Variants in ADA2 observed in about 807,000 individuals in gnomAD.
The protein encoded by ADA2 is adenosine deaminase 2.
ADA2 carries 29 observed loss-of-function variants against 44.2 expected under a neutral mutation model. The observed-to-expected ratio is 0.66, with a 90% CI of 0.49 to 0.89. The LOEUF (loss-of-function observed/expected upper bound fraction) is 0.89. Among genes scored for constraint, ADA2 ranks in the 40% least tolerant of loss-of-function variants. The pLI is 0.00. For missense variants in ADA2, 637 were observed against 644.8 expected, an observed-to-expected ratio of 0.99 and a Z score of 0.13; for synonymous variants, 215 against 234.9, an observed-to-expected ratio of 0.92 and a Z score of 0.77.
chr22:17,213,510 G>A (rs768518108), intron 1 of ADA2: 1 of 261,300 alleles, frequency 3.8e-6, no homozygotes, highest in South Asian at 3.8e-5. Flanking sequence ...GGGGAGTGTC[G>A]TGGATGCCTA....
intron 4 of ADA2, among the ~76,000 whole-genome samples, chr22:17,195,453 C>G (rs1292138327): frequency 6.6e-6 from 1 of 151,550 alleles, no homozygotes. Context: ...CGCTTGAACC[C>G]GGGAGTTGGA....
chr22:17,199,557 A>C (rs1178106765), intron 4 of ADA2: 4 of 1,613,920 alleles, frequency 2.5e-6, no homozygotes, highest in Non-Finnish European at 2.5e-6. Flanking sequence ...ACCAGAGCCC[A>C]GTTCCATTCC....
At chr22:17,205,936 T>C (rs1030298721) in intron 3 of ADA2, among the ~76,000 whole-genome samples, 8 of 152,078 alleles carry the variant, frequency 5.3e-5, no homozygotes, top group Non-Finnish European at 1.2e-4. Context: ...GGAGGTTGAG[T>C]CTGAAGTGAG....
At chr22:17,195,458 G>A (rs1235877796) in intron 4 of ADA2, among the ~76,000 whole-genome samples, 1 of 151,916 alleles carries the variant, frequency 6.6e-6, no homozygotes, top group Non-Finnish European at 1.5e-5. Flanking sequence ...GAACCCGGGA[G>A]TTGGAGGTTG....
intron 4 of ADA2, among the ~76,000 whole-genome samples, chr22:17,197,099 G>A (rs1308158343): frequency 6.6e-6 from 1 of 152,120 alleles, no homozygotes; most frequent in Non-Finnish European, 1.5e-5. Context: ...CTTGAACCCA[G>A]GAGGCAGAGG....
At chr22:17,192,892 C>T (rs557616061) in intron 4 of ADA2, 10 of 517,728 alleles carry the variant, frequency 1.9e-5, no homozygotes, top group South Asian at 1.5e-4. Context: ...GCAGCCATCT[C>T]CTCTTTGGCA....
intron 4 of ADA2, among the ~76,000 whole-genome samples, chr22:17,202,007 T>C (rs558914061): frequency 1.3e-4 from 19 of 141,240 alleles, no homozygotes; most frequent in East Asian, 8.5e-4. Flanking sequence ...AGTCTCGCTC[T>C]GTCATCCAGG....
At chr22:17,187,728 C>G (rs1390831691) in intron 7 of ADA2, among the ~76,000 whole-genome samples, 1 of 151,258 alleles carries the variant, frequency 6.6e-6, no homozygotes, top group Non-Finnish European at 1.5e-5. Context: ...CGCACCAGCT[C>G]TTTAACCCTG....
intron 4 of ADA2, chr22:17,193,358 CAAA>C (rs71200244): frequency 0.012 from 801 of 66,200 alleles, 11 homozygotes; most frequent in African/African-American, 0.073. Context: ...GTAAAAACTG[CAAA>C]AAAAAAAAAA....
intron 1 of ADA2, among the ~76,000 whole-genome samples, chr22:17,211,946 A>T (rs190309571): frequency 2.6e-5 from 4 of 152,206 alleles, no homozygotes; most frequent in Non-Finnish European, 5.9e-5. Context: ...GGAAAAAAAA[A>T]TTAATTAATT....
chr22:17,209,094 C>A (rs770500802), intron 2 of ADA2, among the ~76,000 whole-genome samples: 1 of 152,020 alleles, frequency 6.6e-6, no homozygotes, highest in Non-Finnish European at 1.5e-5. Context: ...AGCTTAGCCC[C>A]TGGGAAAACT....
In ADA2 at chr22:17,203,748, TCACCAGAGTGAAATTCCTCAG is replaced by T; in HGVS notation, c.547_567del (p.Leu183_Val189del). On this transcript the variant is annotated inframe_deletion, in exon 4 of 10. Coordinates refer to ENST00000399837, the MANE Select transcript of ADA2 (RefSeq NM_001282225.2). The stretch of plus-strand genomic sequence containing the variant: ...GTGTAAATCACCTCCGGGTGCTGGG[TCACCAGAGTGAAATTCCTCAG>T]CAAGCTGTCCAAGACACGAAGTGGG... 1 of 1,613,862 alleles carries T rather than the reference TCACCAGAGTGAAATTCCTCAG, an allele frequency of 6.2e-7. No homozygotes were observed. The highest frequency in any genetic ancestry group is 1.1e-5 in the South Asian group (1 of 91,046).
intron 1 of ADA2, among the ~76,000 whole-genome samples, chr22:17,212,247 G>A (rs995975303): frequency 3.3e-5 from 5 of 151,862 alleles, no homozygotes; most frequent in African/African-American, 7.3e-5. Flanking sequence ...GGCTGGTCTC[G>A]AACTCCTGAC....
intron 1 of ADA2, among the ~76,000 whole-genome samples, chr22:17,210,667 G>T (rs2062409593): frequency 6.6e-6 from 1 of 151,788 alleles, no homozygotes; most frequent in Non-Finnish European, 1.5e-5. Context: ...ACGTGATCTT[G>T]GCCCTCTACA....
At chr22:17,220,245 A>G (rs1422233895), upstream of ADA2, among the ~76,000 whole-genome samples, 1 of 152,152 alleles carries the variant, frequency 6.6e-6, no homozygotes, top group South Asian at 2.1e-4. Context: ...TAGAGGGGGC[A>G]GGAGGTAGGA....
At position 17,209,484 on chromosome 22, in the gene ADA2, G is replaced by T. The variant is rs61747288; in HGVS notation, c.194C>A (p.Thr65Lys). 1 of 1,614,056 alleles carries T rather than the reference G, an allele frequency of 6.2e-7. No homozygotes were observed. The highest frequency in any genetic ancestry group is 8.5e-7 in the Non-Finnish European group (1 of 1,180,026). Residue 65 changes from threonine (T) to lysine (K), a missense_variant, in exon 2 of 10, where the codon ACG becomes AAG. Coordinates refer to ENST00000399837, the MANE Select transcript of ADA2 (RefSeq NM_001282225.2). ...CTCCTTCATCTCAGCGATTTTGAGC[G>T]TCATGAGCCTCTCATTGGCCAGCTC... ...KEELANERLM[T>K]LKIAEMKEAM...
At position 17,191,822 on chromosome 22, in the gene ADA2, G is replaced by T; in HGVS notation, c.754-12C>A. 6.2e-7 allele frequency: 1 copy of T among 1,608,900 alleles called. No homozygotes were observed. Among genetic ancestry groups the T allele is most frequent in the Non-Finnish European group, 8.5e-7 (1 of 1,178,598 alleles). On this transcript the variant is annotated splice_polypyrimidine_tract_variant and intron_variant, in intron 4 of 9. Transcript: ENST00000399837. ...CTGAGCTCATACACCTGGGAAGAAA[G>T]CACAACCAGGAGCCGTCAGGTGAGC...
chr22:17,198,047 A>C lies in ADA2; in HGVS notation c.753+5516T>G, dbSNP rs182957609. Among the ~76,000 whole-genome samples the C allele has an allele frequency of 2.1e-3, 323 of 152,130 alleles. 2 individuals carry two copies. Among genetic ancestry groups the C allele is most frequent in the Non-Finnish European group, 3.6e-3 (243 of 67,990 alleles). On this transcript the variant is annotated intron_variant, in intron 4 of 9. Coordinates refer to ENST00000399837, the MANE Select transcript of ADA2 (RefSeq NM_001282225.2). ...GAACGAAACTCCGTCTCAAAAAAAA[A>C]AAAAACAAAAAAATTGAGAAACTCA...
chr22:17,221,014 G>A (rs776990901), upstream of ADA2, among the ~76,000 whole-genome samples: 19 of 152,058 alleles, frequency 1.2e-4, no homozygotes, highest in South Asian at 2.1e-4. Context: ...GTGGTGGTGC[G>A]CACCTGTAAT....
Sources: allele counts gnomAD v4.1 joint callset (sites outside exome capture counted in the v4.1 genomes callset), GRCh38; gene constraint gnomAD v4.1.1; transcripts MANE v1.5; gene names NCBI Gene and HGNC (gene_info 2026-07-23, HGNC 2026-07-21).